Variants in MACROD2 observed in about 807,000 individuals in gnomAD.
MACROD2 encodes mono-ADP ribosylhydrolase 2.
Under a neutral mutation model 70.4 loss-of-function variants are expected in MACROD2, and 36 were observed. That is an observed-to-expected ratio of 0.51 (90% CI 0.39 to 0.68). The LOEUF (loss-of-function observed/expected upper bound fraction) is 0.68, where lower values mean the gene tolerates loss of function less well. Among genes scored for constraint, MACROD2 ranks in the 30% least tolerant of loss-of-function variants. The probability of loss-of-function intolerance (pLI) is 0.00; values close to 1 mark genes in which losing one functional copy is unlikely to be tolerated. For missense variants in MACROD2, 496 were observed against 538.4 expected, an observed-to-expected ratio of 0.92 and a Z score of 0.78; for synonymous variants, 172 against 178.8, an observed-to-expected ratio of 0.96 and a Z score of 0.30.
At chr20:16,036,303 C>T (rs954829718) in intron 15 of MACROD2, among the ~76,000 whole-genome samples, 6 of 150,954 alleles carry the variant, frequency 4.0e-5, no homozygotes, top group African/African-American at 7.3e-5. Context: ...GCATCTCTCA[C>T]GTTTATATAT....
chr20:14,227,724 CT>C (rs1378284592), intron 3 of MACROD2, among the ~76,000 whole-genome samples: 1 of 152,196 alleles, frequency 6.6e-6, no homozygotes, highest in East Asian at 1.9e-4. Flanking sequence ...GCCAACTTTA[CT>C]TTTTTTAGGG....
At chr20:14,809,612 CA>C (rs1239580595) in intron 5 of MACROD2, among the ~76,000 whole-genome samples, 4 of 151,430 alleles carry the variant, frequency 2.6e-5, no homozygotes, top group African/African-American at 9.7e-5. Flanking sequence ...GAAAGAGACA[CA>C]AAAAAACTCT....
intron 3 of MACROD2, among the ~76,000 whole-genome samples, chr20:14,254,312 G>C (rs2082036043): frequency 6.6e-6 from 1 of 151,588 alleles, no homozygotes; most frequent in Non-Finnish European, 1.5e-5. Context: ...ATTTGACATT[G>C]GTTTTAAGAA....
At chr20:14,599,863 A>G (rs1277593046) in intron 4 of MACROD2, among the ~76,000 whole-genome samples, 2 of 152,088 alleles carry the variant, frequency 1.3e-5, no homozygotes, top group Non-Finnish European at 2.9e-5. Flanking sequence ...GGATTTCAGG[A>G]TGAGCTGAGG....
intron 8 of MACROD2, among the ~76,000 whole-genome samples, chr20:15,776,643 C>T (rs2051726848): frequency 6.6e-6 from 1 of 152,280 alleles, no homozygotes; most frequent in Non-Finnish European, 1.5e-5. Context: ...GTACACACAC[C>T]TGCAAGAGTG....
chr20:15,369,895 A>G (rs1479519477), intron 6 of MACROD2, among the ~76,000 whole-genome samples: 1 of 152,164 alleles, frequency 6.6e-6, no homozygotes, highest in East Asian at 1.9e-4. Flanking sequence ...TGTGAAGCAA[A>G]ATGTGGCATT....
intron 15 of MACROD2, among the ~76,000 whole-genome samples, chr20:16,021,677 AT>A (rs1568714818): frequency 6.6e-6 from 1 of 152,202 alleles, no homozygotes. Flanking sequence ...TTACCTATCT[AT>A]GAGGTAGGCG....
intron 4 of MACROD2, among the ~76,000 whole-genome samples, chr20:14,640,920 G>A (rs1000080718): frequency 6.6e-6 from 1 of 152,148 alleles, no homozygotes; most frequent in Non-Finnish European, 1.5e-5. Context: ...ATGCTGGGAT[G>A]GATGTGGCAA....
At chr20:15,722,043 A>G (rs2146936122) in intron 8 of MACROD2, among the ~76,000 whole-genome samples, 1 of 152,292 alleles carries the variant, frequency 6.6e-6, no homozygotes, top group East Asian at 1.9e-4. Context: ...TGTGAAATGT[A>G]TTCAGGTTGT....
intron 5 of MACROD2, among the ~76,000 whole-genome samples, chr20:14,896,424 T>C (rs961514506): frequency 2.0e-5 from 3 of 152,196 alleles, no homozygotes; most frequent in African/African-American, 4.8e-5. Context: ...ATGTTAGAAT[T>C]CCTTTTTCTC....
intron 8 of MACROD2, among the ~76,000 whole-genome samples, chr20:15,744,687 C>A (rs2051153613): frequency 8.5e-6 from 1 of 117,550 alleles, no homozygotes; most frequent in South Asian, 3.3e-4. Flanking sequence ...AGACAGAAAC[C>A]AAGTATACAC....
chr20:15,145,795 T>G (rs458376), intron 5 of MACROD2, among the ~76,000 whole-genome samples: 89,466 of 151,812 alleles, frequency 0.59, 26,491 homozygotes, highest in East Asian at 0.65. Flanking sequence ...TTTAAAAATT[T>G]TACCTAAAAG....
chr20:15,454,432 CA>C (rs1387223159), intron 7 of MACROD2, among the ~76,000 whole-genome samples: 16 of 151,194 alleles, frequency 1.1e-4, no homozygotes, highest in South Asian at 2.1e-4. Context: ...CACACACACA[CA>C]CACACACACA....
At chr20:15,580,996 C>T (rs2048516071) in intron 8 of MACROD2, among the ~76,000 whole-genome samples, 1 of 152,148 alleles carries the variant, frequency 6.6e-6, no homozygotes, top group Admixed American at 6.5e-5. Context: ...TTTCTTCCTG[C>T]AACATGAGTT....
At chr20:14,310,320 T>C (rs2082555409) in intron 3 of MACROD2, among the ~76,000 whole-genome samples, 1 of 152,160 alleles carries the variant, frequency 6.6e-6, no homozygotes, top group South Asian at 2.1e-4. Context: ...CTTAATGAAC[T>C]CCTCAGGATA....
chr20:14,828,487 T>C (rs2072926751), intron 5 of MACROD2, among the ~76,000 whole-genome samples: 2 of 152,120 alleles, frequency 1.3e-5, no homozygotes, highest in African/African-American at 4.8e-5. Flanking sequence ...ATTTGAGTGC[T>C]TACTATGCAT....
chr20:14,352,040 A>G (rs1401523222), intron 3 of MACROD2, among the ~76,000 whole-genome samples: 1 of 152,196 alleles, frequency 6.6e-6, no homozygotes, highest in African/African-American at 2.4e-5. Context: ...ATTGATTTGC[A>G]TATGTTGAAC....
At chr20:15,993,801 C>T (rs930391787) in intron 15 of MACROD2, among the ~76,000 whole-genome samples, 2 of 152,142 alleles carry the variant, frequency 1.3e-5, no homozygotes, top group African/African-American at 2.4e-5. Context: ...AGACAAAATT[C>T]GTTTTCACTG....
At chr20:14,697,784 C>T (rs2071144280) in intron 5 of MACROD2, among the ~76,000 whole-genome samples, 1 of 152,146 alleles carries the variant, frequency 6.6e-6, no homozygotes, top group African/African-American at 2.4e-5. Context: ...TGTTTGGGAA[C>T]AGTGGAGCTT....
Sources: allele counts gnomAD v4.1 joint callset (sites outside exome capture counted in the v4.1 genomes callset), GRCh38; gene constraint gnomAD v4.1.1; transcripts MANE v1.5; gene names NCBI Gene and HGNC (gene_info 2026-07-23, HGNC 2026-07-21).